Variants in GSPT1 observed in about 807,000 individuals in gnomAD.
The protein encoded by GSPT1 is G1 to S phase transition 1, also known as eukaryotic peptide chain release factor GTP-binding subunit ERF3A.
Under a neutral mutation model 72.5 loss-of-function variants are expected in GSPT1, and 20 were observed. That is an observed-to-expected ratio of 0.28 (90% confidence interval 0.19 to 0.40). The LOEUF is 0.40. Among genes scored for constraint, GSPT1 ranks in the 10% least tolerant of loss-of-function variants. The pLI, the probability that GSPT1 is intolerant of heterozygous loss-of-function variation, is 1.00. For synonymous variants in GSPT1, 334 were observed against 293.5 expected (o/e 1.14, Z -1.41); for missense variants, 580 against 811.9 (o/e 0.71, Z 3.47).
Position 11,886,544 on chromosome 16 carries a change from T to G in GSPT1, c.1180A>C (p.Ile394Leu). Residue 394 changes from isoleucine (I) to leucine (L), a missense_variant, in exon 9 of 15, where the codon ATT (isoleucine) becomes CTT (leucine). Physicochemically the swap from Ile to Leu is conservative, Grantham distance 5. Coordinates refer to ENST00000434724, the MANE Select transcript of GSPT1 (RefSeq NM_002094.4). The stretch of plus-strand genomic sequence containing the variant: ...AGTCCTGAGCAGGGCATAAAGTGAA[T>G]GTCCTTTTTGGGATTGAAGCCAACT... ...KKVGFNPKKD[I>L]HFMPCSGLTG... 1.2e-6 allele frequency: 2 copies of G among 1,612,998 alleles called. No homozygotes were observed. Among genetic ancestry groups the G allele is most frequent in the Non-Finnish European group, 1.7e-6 (2 of 1,178,992 alleles).
rs2054169550 is a variant in GSPT1 at position 11,884,979 on chromosome 16, A to G, written c.1347+202T>C. The stretch of plus-strand genomic sequence containing the variant: ...GCTACTCAGGAGGCTGAGGCAGGAG[A>G]ATCACTTGAACCAAGGAGGCAGAGC... On this transcript the variant is annotated intron_variant, in intron 10 of 14. Coordinates refer to ENST00000434724, the MANE Select transcript of GSPT1 (RefSeq NM_002094.4). 2.0e-5 allele frequency among the ~76,000 whole-genome samples: 3 copies of G among 151,982 alleles called. 1 individual carries two copies. In the South Asian group the frequency reaches 6.2e-4, roughly 32 times the overall value.
At chr16:11,899,217 T>C (rs1053535900) in intron 1 of GSPT1, among the ~76,000 whole-genome samples, 4 of 152,150 alleles carry the variant, frequency 2.6e-5, no homozygotes, top group African/African-American at 9.7e-5. Context: ...CCGGAAAGGA[T>C]CAATACCTGT....
At chr16:11,884,557 C>T (rs373017964) in intron 10 of GSPT1, among the ~76,000 whole-genome samples, 105 of 152,152 alleles carry the variant, frequency 6.9e-4, no homozygotes, top group Non-Finnish European at 1.1e-3. Flanking sequence ...GTTAGGAGTT[C>T]GAGACCAGCC....
Position 11,872,843 on chromosome 16 carries a change from G to A in GSPT1, c.*276C>T, listed in dbSNP as rs555092299. The stretch of plus-strand genomic sequence containing the variant: ...GGTTTTCATTATTGTAGGCAATTAT[G>A]TCCACATCACTTACAAAGCTATTGC... On this transcript the variant is annotated 3_prime_UTR_variant, in exon 15 of 15. Coordinates refer to ENST00000434724, the MANE Select transcript of GSPT1 (RefSeq NM_002094.4). 8.3e-5 allele frequency: 29 copies of A among 349,252 alleles called. No individual in the cohort carries two copies. Among genetic ancestry groups the A allele is most frequent in the Non-Finnish European group, 1.3e-4 (25 of 193,102 alleles). 21.6% of individuals were successfully genotyped at this position (349,252 alleles called of 1,614,324 possible).
chr16:11,881,612 C>T (rs898090886), intron 11 of GSPT1: 5 of 147,336 alleles, frequency 3.4e-5, no homozygotes, highest in African/African-American at 1.2e-4. Context: ...ACTTTCCCTC[C>T]TTCAGCCCCT....
intron 7 of GSPT1, among the ~76,000 whole-genome samples, chr16:11,887,249 T>A (rs959986677): frequency 2.0e-5 from 3 of 152,302 alleles, no homozygotes; most frequent in Admixed American, 2.0e-4. Context: ...GCAAAATGAC[T>A]GAAGACCGTA....
chr16:11,915,157 T>C, intron 1 of GSPT1: 1 of 1,034,238 alleles, frequency 9.7e-7, no homozygotes, highest in Non-Finnish European at 1.2e-6. Flanking sequence ...TTGGGCGCGC[T>C]GCCCGCTGTC....
upstream of GSPT1, chr16:11,916,048 C>G (rs936559257): frequency 2.0e-5 from 12 of 614,260 alleles, no homozygotes; most frequent in African/African-American, 2.2e-4. Context: ...GTACCTTCGC[C>G]TCGGTAGTTC....
intron 14 of GSPT1, among the ~76,000 whole-genome samples, chr16:11,874,854 T>C (rs2054020635): frequency 6.6e-6 from 1 of 152,228 alleles, no homozygotes; most frequent in Non-Finnish European, 1.5e-5. Context: ...TAAAGTTTTA[T>C]GTAAAGTCTT....
At position 11,897,806 on chromosome 16, in the gene GSPT1, A is replaced by T. The variant is rs2054358737; in HGVS notation, c.436+34T>A. 2.7e-6 allele frequency: 3 copies of T among 1,103,036 alleles called. No homozygotes were observed. The East Asian group carries it at 7.6e-5, about 28-fold the overall frequency. The allele number at this position is 1,103,036 out of a possible 1,614,324, so 68.3% of individuals were successfully genotyped here. A position where few individuals can be genotyped will look rare whatever the true frequency, so the allele number is the denominator to read the frequency against. Reference sequence around the variant, plus strand: ...AATCTTGAGAGTGAAAGAGTTTCATATTACTGTATTAATATGGTCAGAAAT... The same window carrying T: ...AATCTTGAGAGTGAAAGAGTTTCATTTTACTGTATTAATATGGTCAGAAAT... On this transcript the variant is annotated intron_variant, in intron 3 of 14. Coordinates refer to ENST00000434724, the MANE Select transcript of GSPT1 (RefSeq NM_002094.4).
At chr16:11,875,515 A>C (rs1459865490) in intron 14 of GSPT1, among the ~76,000 whole-genome samples, 1 of 152,180 alleles carries the variant, frequency 6.6e-6, no homozygotes, top group Non-Finnish European at 1.5e-5. Context: ...AGCCCTCCAA[A>C]TCCACTACTC....
rs1348085245 is a variant in GSPT1, at chr16:11,869,808, G to A, written c.*3311C>T. 3 of 152,160 alleles carry A rather than the reference G, an allele frequency of 2.0e-5. No homozygotes were observed. The highest frequency in any genetic ancestry group is 1.3e-4 in the Admixed American group (2 of 15,270). The allele number at this position is 152,160 out of a possible 1,614,324, so 9.4% of individuals were successfully genotyped here. A position where few individuals can be genotyped will look rare whatever the true frequency, so the allele number is the denominator to read the frequency against. ...ACTAGTGTTCCTGCAGATCGCCAAG[G>A]GAGCTTAGCTGATTTTTTTCCAGGT... On this transcript the variant is annotated 3_prime_UTR_variant, in exon 15 of 15. Coordinates refer to ENST00000434724, the MANE Select transcript of GSPT1 (RefSeq NM_002094.4).
chr16:11,887,553 G>A lies in GSPT1; in HGVS notation c.957+17C>T. The A allele has an allele frequency of 3.7e-6, 6 of 1,605,070 alleles. No individual in the cohort carries two copies. Among genetic ancestry groups the A allele is most frequent in the Non-Finnish European group, 5.1e-6 (6 of 1,172,404 alleles). ...CTACTAACAAATATACAGATGGACTGGAAATGTCTTTCTTACCAGCACAGC... is the reference window on the plus strand; with the variant it reads ...CTACTAACAAATATACAGATGGACTAGAAATGTCTTTCTTACCAGCACAGC... On this transcript the variant is annotated intron_variant, in intron 7 of 14. Transcript: ENST00000434724.
At chr16:11,905,489 G>C (rs1272104794) in intron 1 of GSPT1, among the ~76,000 whole-genome samples, 2 of 152,070 alleles carry the variant, frequency 1.3e-5, no homozygotes, top group Non-Finnish European at 2.9e-5. Flanking sequence ...CTACCCTGAA[G>C]GGCTAATGAT....
chr16:11,885,688 G>C (rs887514040), intron 9 of GSPT1, among the ~76,000 whole-genome samples: 1 of 152,104 alleles, frequency 6.6e-6, no homozygotes, highest in Non-Finnish European at 1.5e-5. Flanking sequence ...GAGCCCAGGA[G>C]TTCGACACCA....
chr16:11,909,719 G>C (rs536947770), intron 1 of GSPT1, among the ~76,000 whole-genome samples: 89 of 152,278 alleles, frequency 5.8e-4, no homozygotes, highest in Non-Finnish European at 8.5e-4. Flanking sequence ...GAGGTCAAGA[G>C]TTCGAGACCA....
intron 1 of GSPT1, among the ~76,000 whole-genome samples, chr16:11,912,988 T>A (rs2054579153): frequency 6.6e-6 from 1 of 152,200 alleles, no homozygotes; most frequent in Non-Finnish European, 1.5e-5. Context: ...GGCATGCAGT[T>A]TAAAAACACA....
intron 1 of GSPT1, among the ~76,000 whole-genome samples, chr16:11,898,554 C>T (rs1338901444): frequency 1.3e-5 from 2 of 150,722 alleles, no homozygotes; most frequent in Non-Finnish European, 2.9e-5. Flanking sequence ...CCGGTTCAAG[C>T]GATTCTCCTG....
Position 11,869,704 on chromosome 16 carries a change from G to A in GSPT1, c.*3415C>T, listed in dbSNP as rs935476845. 2 of 152,224 alleles carry A rather than the reference G, an allele frequency of 1.3e-5. No individual in the cohort carries two copies. The highest frequency in any genetic ancestry group is 2.9e-5 in the Non-Finnish European group (2 of 68,050). 9.4% of individuals were successfully genotyped at this position (152,224 alleles called of 1,614,324 possible). Reference sequence around the variant, plus strand: ...CCATGAAGTAGCAGTCCATGAGGAAGTCCATGCCAGTAAGAAAAGGTGCTA... The same window carrying A: ...CCATGAAGTAGCAGTCCATGAGGAAATCCATGCCAGTAAGAAAAGGTGCTA... On this transcript the variant is annotated 3_prime_UTR_variant, in exon 15 of 15. Coordinates refer to ENST00000434724, the MANE Select transcript of GSPT1 (RefSeq NM_002094.4).
Sources: gnomAD v4.1 joint callset for allele counts (sites outside exome capture counted in the v4.1 genomes callset) on GRCh38, gnomAD v4.1.1 for gene constraint, MANE v1.5 for transcripts, NCBI Gene and HGNC (gene_info 2026-07-23, HGNC 2026-07-21) for gene names.